The following TMPRSS15 variants were observed in gnomAD, a reference collection of about 807,000 sequenced individuals.
TMPRSS15 encodes transmembrane serine protease 15.
A neutral mutation model predicts 125.3 loss-of-function variants in TMPRSS15; 128 were observed. That is an observed-to-expected ratio of 1.02 (90% CI 0.89 to 1.18). TMPRSS15 has a LOEUF of 1.18. Among genes scored for constraint, TMPRSS15 ranks in the 50% most tolerant of loss-of-function variants. The pLI is 0.00. For synonymous variants in TMPRSS15, 446 were observed against 423.2 expected (o/e 1.05, Z -0.66); for missense variants, 1,283 against 1,212.7 (o/e 1.06, Z -0.86).
chr21:18,375,018 C>A (rs2075829686), intron 5 of TMPRSS15, among the ~76,000 whole-genome samples: 1 of 152,156 alleles, frequency 6.6e-6, no homozygotes, highest in Non-Finnish European at 1.5e-5. Flanking sequence ...GGGTTAGAAA[C>A]TTGAGTCTAG....
upstream of TMPRSS15, among the ~76,000 whole-genome samples, chr21:18,404,287 A>C (rs1334127720): frequency 6.6e-6 from 1 of 152,244 alleles, no homozygotes; most frequent in African/African-American, 2.4e-5. Context: ...GGGAAAGTAC[A>C]CTTAAACAAG....
At chr21:18,411,679 A>G (rs1233887731) in intron 1 of TMPRSS15, among the ~76,000 whole-genome samples, 1 of 152,162 alleles carries the variant, frequency 6.6e-6, no homozygotes, top group Non-Finnish European at 1.5e-5. Context: ...TTGCTAATGC[A>G]AATTCTTGCT....
intron 22 of TMPRSS15, among the ~76,000 whole-genome samples, chr21:18,280,624 T>C (rs1318856639): frequency 4.7e-5 from 7 of 148,902 alleles, no homozygotes; most frequent in Admixed American, 4.0e-4. Flanking sequence ...CCAAACTTCC[T>C]TCTATGAATA....
intron 21 of TMPRSS15, among the ~76,000 whole-genome samples, chr21:18,285,520 C>A (rs901351198): frequency 1.4e-4 from 21 of 152,214 alleles, no homozygotes; most frequent in African/African-American, 5.1e-4. Flanking sequence ...CCCAGCACAG[C>A]ATTTTTGGTC....
intron 16 of TMPRSS15, among the ~76,000 whole-genome samples, chr21:18,324,605 T>C (rs991747964): frequency 2.6e-5 from 4 of 152,188 alleles, no homozygotes; most frequent in Non-Finnish European, 5.9e-5. Flanking sequence ...CCAAATATTA[T>C]ATAATAATTT....
chr21:18,302,906 C>T (rs2074988636), intron 18 of TMPRSS15, among the ~76,000 whole-genome samples: 1 of 152,038 alleles, frequency 6.6e-6, no homozygotes, highest in Admixed American at 6.6e-5. Context: ...TGTTGGAGTT[C>T]CTTTTGTTTG....
chr21:18,389,421 T>G (rs1320346012), intron 3 of TMPRSS15, among the ~76,000 whole-genome samples: 3 of 152,186 alleles, frequency 2.0e-5, no homozygotes, highest in South Asian at 2.1e-4. Flanking sequence ...GTATATTATT[T>G]GAGAATCATT....
chr21:18,345,757 A>AAAAAAAAAAAAAAAAAAAAAAAAAAAC (rs2075501678), intron 10 of TMPRSS15, among the ~76,000 whole-genome samples: 1 of 144,218 alleles, frequency 6.9e-6, no homozygotes, highest in African/African-American at 2.5e-5. Flanking sequence ...AAAAAAAAAA[A>AAAAAAAAAAAAAAAAAAAAAAAAAAAC]AAAAATCCAC....
At position 18,313,056 on chromosome 21, in the gene TMPRSS15, G is replaced by T. The variant is rs750285967; in HGVS notation, c.2054C>A (p.Thr685Lys). The change falls in exon 18 of 25, where the codon ACG (threonine) becomes AAG (lysine). Residue 685 changes from threonine to lysine, a missense_variant. Physicochemically the swap from Thr to Lys is moderately conservative, Grantham distance 78. Transcript: ENST00000284885. Reference protein sequence around the residue: ...ADCVRFFNGTTNNNGLVRFRI... With the variant: ...ADCVRFFNGTKNNNGLVRFRI... ...GAACCGCACTAAACCATTGTTGTTC[G>T]TTGTGCCATTGAAAAAACGCACTAA... is the stretch of plus-strand genomic sequence containing the variant. 1.2e-6 allele frequency: 2 copies of T among 1,613,638 alleles called. No homozygotes were observed.
intron 9 of TMPRSS15, 31 bp from the exon 10 acceptor site, chr21:18,353,083 A>T (rs775416135): frequency 1.3e-6 from 2 of 1,594,970 alleles, no homozygotes; most frequent in Non-Finnish European, 1.7e-6. Flanking sequence ...GGAATAAAAA[A>T]AATTTAGTCC....
intron 15 of TMPRSS15, 148 bp from the exon 16 acceptor site, chr21:18,326,720 C>T (rs936757357): frequency 3.7e-6 from 3 of 813,402 alleles, no homozygotes; most frequent in Admixed American, 2.2e-5. Context: ...TGAACACACA[C>T]ATTCTCTTAC....
intron 18 of TMPRSS15, among the ~76,000 whole-genome samples, chr21:18,311,466 T>A (rs2075100713): frequency 6.6e-6 from 1 of 151,982 alleles, no homozygotes; most frequent in South Asian, 2.1e-4. Context: ...GACATACAAA[T>A]AGCCAACAGA....
intron 23 of TMPRSS15, among the ~76,000 whole-genome samples, chr21:18,278,709 GAGAC>G (rs1303754722): frequency 1.3e-5 from 2 of 152,080 alleles, no homozygotes; most frequent in Non-Finnish European, 2.9e-5. Flanking sequence ...GCCACATTGC[GAGAC>G]TCCGTCTCAA....
chr21:18,306,343 T>C (rs10482897), intron 18 of TMPRSS15, among the ~76,000 whole-genome samples: 16,004 of 152,256 alleles, frequency 0.11, 1,174 homozygotes, highest in East Asian at 0.34. Flanking sequence ...AACAAATTCA[T>C]TGCGGTGGTT....
intron 8 of TMPRSS15, among the ~76,000 whole-genome samples, chr21:18,358,773 A>C (rs1191915503): frequency 6.6e-6 from 1 of 152,070 alleles, no homozygotes; most frequent in Non-Finnish European, 1.5e-5. Flanking sequence ...AAGAAAATGC[A>C]CATTGATTAT....
At chr21:18,396,791 A>AAATAT (rs547335576) in intron 3 of TMPRSS15, among the ~76,000 whole-genome samples, 3 of 57,878 alleles carry the variant, frequency 5.2e-5, no homozygotes, top group Admixed American at 1.9e-4. Flanking sequence ...AAAAAAAAAA[A>AAATAT]ATCTGTCTGT....
intron 18 of TMPRSS15, among the ~76,000 whole-genome samples, chr21:18,300,952 T>C (rs995378450): frequency 1.3e-5 from 2 of 152,176 alleles, no homozygotes; most frequent in Admixed American, 6.5e-5. Context: ...AAATTGGAGA[T>C]ACATATACAC....
chr21:18,414,173 T>C (rs2076174594), intron 1 of TMPRSS15, among the ~76,000 whole-genome samples: 1 of 152,120 alleles, frequency 6.6e-6, no homozygotes, highest in Admixed American at 6.6e-5. Flanking sequence ...AAGGTGTTTA[T>C]ACTCCATTTT....
intron 1 of TMPRSS15, among the ~76,000 whole-genome samples, chr21:18,430,012 T>G (rs570334151): frequency 3.3e-5 from 5 of 152,358 alleles, no homozygotes; most frequent in Non-Finnish European, 7.4e-5. Flanking sequence ...GTATGTTGTA[T>G]GTTCAGCTCA....
Sources: gnomAD v4.1 joint callset for allele counts (sites outside exome capture counted in the v4.1 genomes callset) on GRCh38, gnomAD v4.1.1 for gene constraint, MANE v1.5 for transcripts, NCBI Gene and HGNC (gene_info 2026-07-23, HGNC 2026-07-21) for gene names.